The following ZFHX3 variants were observed in gnomAD, a reference collection of about 807,000 sequenced individuals.
The protein encoded by ZFHX3 is zinc finger homeobox protein 3.
Under a neutral mutation model 279.1 loss-of-function variants are expected in ZFHX3, and 42 were observed. The observed-to-expected ratio is 0.15, with a 90% CI of 0.12 to 0.19. ZFHX3 has a LOEUF of 0.19. Ranked by LOEUF, ZFHX3 falls within the 10% of genes least tolerant of loss-of-function variation. The probability of loss-of-function intolerance (pLI) is 1.00; values close to 1 mark genes in which losing one functional copy is unlikely to be tolerated. For synonymous variants in ZFHX3, 2,293 were observed against 1,957.8 expected (o/e 1.17, Z -4.52); for missense variants, 4,981 against 4,754.0 (o/e 1.05, Z -1.40).
At chr16:73,132,600 G>T (rs1045268442) in intron 6 of ZFHX3, among the ~76,000 whole-genome samples, 3 of 152,122 alleles carry the variant, frequency 2.0e-5, no homozygotes, top group African/African-American at 7.2e-5. Flanking sequence ...GTCTGCTATA[G>T]GACCACATAT....
chr16:73,168,211 T>TTTTATTTCTTTCTTTC (rs71391499), intron 5 of ZFHX3, among the ~76,000 whole-genome samples: 24 of 95,312 alleles, frequency 2.5e-4, no homozygotes, highest in African/African-American at 8.4e-4. Flanking sequence ...GTTTCTTTTG[T>TTTTATTTCTTTCTTTC]TTTCTTTCTT....
At chr16:73,877,928 A>T (rs2030007215) in intron 1 of ZFHX3, among the ~76,000 whole-genome samples, 1 of 152,022 alleles carries the variant, frequency 6.6e-6, no homozygotes, top group South Asian at 2.1e-4. Context: ...CTAATGGTTA[A>T]CATATCCAAT....
intron 2 of ZFHX3, among the ~76,000 whole-genome samples, chr16:73,611,615 C>A (rs1336256094): frequency 2.0e-5 from 3 of 152,152 alleles, no homozygotes; most frequent in Admixed American, 2.0e-4. Context: ...AAAGAAAACA[C>A]CTCCTAAAAT....
intron 1 of ZFHX3, among the ~76,000 whole-genome samples, chr16:73,798,505 G>A (rs1228224198): frequency 6.6e-6 from 1 of 152,018 alleles, no homozygotes; most frequent in Non-Finnish European, 1.5e-5. Context: ...AACCATAAAA[G>A]GACCCAGATA....
At chr16:73,281,154 C>T (rs1226910959) in intron 4 of ZFHX3, among the ~76,000 whole-genome samples, 1 of 152,006 alleles carries the variant, frequency 6.6e-6, no homozygotes, top group Non-Finnish European at 1.5e-5. Context: ...GAATTGAAAT[C>T]AGTATGATGG....
In ZFHX3 at chr16:72,788,583, T is replaced by TTGC. The variant is rs778668501; in HGVS notation, c.9690_9692dup (p.Gln3231dup). The TTGC allele has an allele frequency of 2.5e-6, 4 of 1,614,052 alleles. No homozygotes were observed. Among genetic ancestry groups the TTGC allele is most frequent in the Non-Finnish European group, 2.5e-6 (3 of 1,179,968 alleles). ...CTTTCTCACTGTCTTTGTCCTTGCG[T>TTGC]TGCTGCTGCTGTTGCAGTGGGAGCT... On this transcript the variant is annotated inframe_insertion, in exon 10 of 10. Transcript: ENST00000268489.
chr16:73,012,571 C>T (rs542917140), intron 1 of ZFHX3, among the ~76,000 whole-genome samples: 3 of 152,308 alleles, frequency 2.0e-5, no homozygotes, highest in Non-Finnish European at 4.4e-5. Flanking sequence ...CAGCAGCAAC[C>T]GGCCTTCATC....
At chr16:73,348,425 C>T (rs1190240491) in intron 3 of ZFHX3, among the ~76,000 whole-genome samples, 1 of 152,192 alleles carries the variant, frequency 6.6e-6, no homozygotes, top group Non-Finnish European at 1.5e-5. Context: ...CCAACCCCAG[C>T]CTCCATCCTC....
At chr16:72,917,162 T>C (rs2039462102) in intron 3 of ZFHX3, among the ~76,000 whole-genome samples, 1 of 152,124 alleles carries the variant, frequency 6.6e-6, no homozygotes, top group Non-Finnish European at 1.5e-5. Context: ...GATTACTTGA[T>C]TCCAGAAGGC....
At chr16:73,399,656 A>G (rs2017206844) in intron 3 of ZFHX3, among the ~76,000 whole-genome samples, 1 of 152,072 alleles carries the variant, frequency 6.6e-6, no homozygotes, top group South Asian at 2.1e-4. Context: ...GGCCGTGGTT[A>G]CCTCCACTGC....
chr16:73,212,668 C>T (rs2012060654), intron 5 of ZFHX3, among the ~76,000 whole-genome samples: 1 of 152,234 alleles, frequency 6.6e-6, no homozygotes. Flanking sequence ...GAGCTGTGAG[C>T]TGTCCCTAGT....
chr16:72,890,666 T>C (rs2038752135), intron 3 of ZFHX3, among the ~76,000 whole-genome samples: 1 of 152,230 alleles, frequency 6.6e-6, no homozygotes, highest in African/African-American at 2.4e-5. Flanking sequence ...AACACCGGCT[T>C]TCCTGGCACA....
At chr16:73,168,213 T>TTCTTTCTTTCTTTC (rs1567408143) in intron 5 of ZFHX3, among the ~76,000 whole-genome samples, 3 of 93,238 alleles carry the variant, frequency 3.2e-5, no homozygotes, top group African/African-American at 1.3e-4. Context: ...TTCTTTTGTT[T>TTCTTTCTTTCTTTC]TCTTTCTTTC....
chr16:73,689,298 A>T (rs2053122994), intron 1 of ZFHX3, among the ~76,000 whole-genome samples: 1 of 152,174 alleles, frequency 6.6e-6, no homozygotes. Flanking sequence ...GGGTTTTAGG[A>T]AGCCCCCAAA....
intron 1 of ZFHX3, among the ~76,000 whole-genome samples, chr16:73,057,510 G>GT (rs1965583184): frequency 6.8e-6 from 1 of 146,456 alleles, no homozygotes; most frequent in Non-Finnish European, 1.5e-5. Flanking sequence ...GGAACCCAAC[G>GT]TAAACAATCC....
intron 2 of ZFHX3, among the ~76,000 whole-genome samples, chr16:73,519,589 C>T (rs1243871739): frequency 3.9e-5 from 6 of 152,142 alleles, no homozygotes; most frequent in African/African-American, 1.2e-4. Flanking sequence ...AAGGAGACCA[C>T]CGTTCTCTGT....
At chr16:73,474,210 T>A (rs533313408) in intron 2 of ZFHX3, among the ~76,000 whole-genome samples, 1 of 152,202 alleles carries the variant, frequency 6.6e-6, no homozygotes, top group African/African-American at 2.4e-5. Flanking sequence ...TGCAGTGGCA[T>A]GATCTCAGCT....
intron 1 of ZFHX3, chr16:73,014,515 C>CTTTTTTT (rs1567633191): frequency 2.1e-5 from 2 of 95,344 alleles, no homozygotes; most frequent in African/African-American, 3.9e-5. Context: ...GTAATTTCTT[C>CTTTTTTT]TTCTTTTTTT....
upstream of ZFHX3, among the ~76,000 whole-genome samples, chr16:73,050,619 C>G (rs62055074): frequency 6.6e-6 from 1 of 152,112 alleles, no homozygotes; most frequent in Non-Finnish European, 1.5e-5. Context: ...ATCAGGAGTT[C>G]CTCTGAAATA....
Sources: gnomAD v4.1 joint callset for allele counts (sites outside exome capture counted in the v4.1 genomes callset) on GRCh38, gnomAD v4.1.1 for gene constraint, MANE v1.5 for transcripts, NCBI Gene and HGNC (gene_info 2026-07-23, HGNC 2026-07-21) for gene names.